Variants in TMC1 observed in about 807,000 individuals in gnomAD.
The protein encoded by TMC1 is transmembrane channel-like protein 1.
A neutral mutation model predicts 105.8 loss-of-function variants in TMC1; 84 were observed. The observed-to-expected ratio is 0.79, with a 90% confidence interval of 0.67 to 0.95. The LOEUF (loss-of-function observed/expected upper bound fraction) is 0.95, where lower values mean the gene tolerates loss of function less well. Ranked by LOEUF, TMC1 falls within the 40% of genes least tolerant of loss-of-function variation. The probability of loss-of-function intolerance (pLI) is 0.00; values close to 1 mark genes in which losing one functional copy is unlikely to be tolerated. For missense variants in TMC1, 817 were observed against 914.1 expected, an observed-to-expected ratio of 0.89 and a Z score of 1.37; for synonymous variants, 315 against 311.5, an observed-to-expected ratio of 1.01 and a Z score of -0.12.
At chr9:72,637,249 C>T (rs1825552409) in intron 4 of TMC1, among the ~76,000 whole-genome samples, 1 of 151,464 alleles carries the variant, frequency 6.6e-6, no homozygotes, top group Non-Finnish European at 1.5e-5. Context: ...TTTTCAAGAG[C>T]TTATGTTAGT....
intron 8 of TMC1, among the ~76,000 whole-genome samples, chr9:72,733,633 C>G (rs1466737512): frequency 6.6e-6 from 1 of 152,132 alleles, no homozygotes; most frequent in African/African-American, 2.4e-5. Flanking sequence ...TACTACTGAA[C>G]CTGATTGCTG....
chr9:72,730,161 T>C (rs533619677), intron 8 of TMC1, among the ~76,000 whole-genome samples: 14 of 152,314 alleles, frequency 9.2e-5, no homozygotes, highest in African/African-American at 2.9e-4. Context: ...GACTAGGTCA[T>C]AGAATTTCTT....
At chr9:72,595,023 G>A (rs7025134) in intron 2 of TMC1, among the ~76,000 whole-genome samples, 45,759 of 151,634 alleles carry the variant, frequency 0.3, 7,458 homozygotes, top group African/African-American at 0.41. Context: ...GTGCCACCAC[G>A]CCCAGCTAAT....
intron 3 of TMC1, among the ~76,000 whole-genome samples, chr9:72,621,763 A>C (rs952048142): frequency 9.9e-5 from 15 of 152,098 alleles, no homozygotes; most frequent in African/African-American, 3.6e-4. Context: ...TCATATATTC[A>C]TACTCTCCTC....
At chr9:72,656,001 A>T in intron 5 of TMC1, 2 of 770,096 alleles carry the variant, frequency 2.6e-6, no homozygotes, top group South Asian at 2.7e-5. Context: ...TTTTTCTTGT[A>T]GTGATTCTCA....
chr9:72,638,052 T>C (rs1825564078), intron 4 of TMC1, among the ~76,000 whole-genome samples: 1 of 151,958 alleles, frequency 6.6e-6, no homozygotes, highest in African/African-American at 2.4e-5. Flanking sequence ...CGTGTAGATA[T>C]TGATCATGCT....
chr9:72,772,369 G>A, intron 12 of TMC1, 44 bp from the exon 13 acceptor site: 1 of 1,612,814 alleles, frequency 6.2e-7, no homozygotes, highest in Non-Finnish European at 8.5e-7. Context: ...CCTTTGAGTT[G>A]CTCTTCACGA....
intron 12 of TMC1, among the ~76,000 whole-genome samples, chr9:72,756,463 C>G (rs1017269730): frequency 6.6e-6 from 1 of 152,116 alleles, no homozygotes; most frequent in Non-Finnish European, 1.5e-5. Flanking sequence ...TTTCTCTTTT[C>G]TACCACTTCT....
At chr9:72,701,530 TA>T (rs1371744927) in intron 8 of TMC1, among the ~76,000 whole-genome samples, 1 of 152,220 alleles carries the variant, frequency 6.6e-6, no homozygotes, top group East Asian at 1.9e-4. Context: ...AAATCATTTT[TA>T]TAAATAGTAG....
chr9:72,786,388 G>A (rs1828167993), intron 13 of TMC1, among the ~76,000 whole-genome samples: 1 of 152,170 alleles, frequency 6.6e-6, no homozygotes, highest in Non-Finnish European at 1.5e-5. Flanking sequence ...AGCTTGCATT[G>A]AGCCGAGATC....
chr9:72,754,393 T>C (rs904640594), intron 11 of TMC1, among the ~76,000 whole-genome samples: 1 of 152,160 alleles, frequency 6.6e-6, no homozygotes, highest in Admixed American at 6.5e-5. Context: ...CCACCCTCAC[T>C]CCTAAGGGGT....
intron 4 of TMC1, among the ~76,000 whole-genome samples, chr9:72,645,054 C>A (rs996706504): frequency 6.6e-6 from 1 of 152,096 alleles, no homozygotes; most frequent in African/African-American, 2.4e-5. Flanking sequence ...ACAGATAACT[C>A]ATTTTAAGAA....
chr9:72,592,349 G>A (rs983414669), intron 2 of TMC1, among the ~76,000 whole-genome samples: 2 of 152,142 alleles, frequency 1.3e-5, no homozygotes, highest in African/African-American at 4.8e-5. Context: ...TATAAACTTG[G>A]GGATCATTAA....
At chr9:72,594,668 A>G (rs1194055300) in intron 2 of TMC1, among the ~76,000 whole-genome samples, 1 of 152,170 alleles carries the variant, frequency 6.6e-6, no homozygotes, top group Non-Finnish European at 1.5e-5. Context: ...TATGTCCCAC[A>G]ATTTATGTGA....
At chr9:72,800,044 T>C (rs1351340724) in intron 17 of TMC1, among the ~76,000 whole-genome samples, 1 of 152,152 alleles carries the variant, frequency 6.6e-6, no homozygotes, top group African/African-American at 2.4e-5. Context: ...AGGAAACATA[T>C]TCTCTTCCCA....
chr9:72,741,395 A>T, intron 9 of TMC1: 1 of 449,740 alleles, frequency 2.2e-6, no homozygotes, highest in Non-Finnish European at 4.2e-6. Context: ...TAGCACCACC[A>T]TGAAGTCTCA....
intron 12 of TMC1, among the ~76,000 whole-genome samples, chr9:72,770,688 C>A (rs1351852384): frequency 1.3e-5 from 2 of 152,034 alleles, no homozygotes; most frequent in Non-Finnish European, 2.9e-5. Flanking sequence ...GCTGAGAAAT[C>A]TTCTAACCTG....
chr9:72,674,794 A>G (rs1444801276), intron 5 of TMC1, among the ~76,000 whole-genome samples: 12 of 152,224 alleles, frequency 7.9e-5, no homozygotes, highest in Non-Finnish European at 1.5e-5. Context: ...TCAACACCAC[A>G]GAATGAAGAG....
intron 2 of TMC1, among the ~76,000 whole-genome samples, chr9:72,586,495 CAA>C (rs1046669702): frequency 6.6e-6 from 1 of 152,130 alleles, no homozygotes; most frequent in Non-Finnish European, 1.5e-5. Context: ...AGCCTTGGTG[CAA>C]AGTTTTCAAA....
Sources: gnomAD v4.1 joint callset for allele counts (sites outside exome capture counted in the v4.1 genomes callset) on GRCh38, gnomAD v4.1.1 for gene constraint, MANE v1.5 for transcripts, NCBI Gene and HGNC (gene_info 2026-07-23, HGNC 2026-07-21) for gene names.